The following IGF2BP2 variants were observed in gnomAD, a reference collection of about 807,000 sequenced individuals.
The protein encoded by IGF2BP2 is insulin like growth factor 2 mRNA binding protein 2.
Under a neutral mutation model 75.8 loss-of-function variants are expected in IGF2BP2, and 17 were observed. That is an observed-to-expected ratio of 0.22 (90% confidence interval 0.15 to 0.34). The LOEUF (loss-of-function observed/expected upper bound fraction) is 0.34. Ranked by LOEUF, IGF2BP2 falls within the 10% of genes least tolerant of loss-of-function variation. The pLI, the probability that IGF2BP2 is intolerant of heterozygous loss-of-function variation, is 1.00. For synonymous variants in IGF2BP2, 288 were observed against 295.6 expected, an observed-to-expected ratio of 0.97 and a Z score of 0.26; for missense variants, 516 against 772.4, an observed-to-expected ratio of 0.67 and a Z score of 3.93.
At chr3:185,710,958 A>G (rs1724710383) in intron 2 of IGF2BP2, among the ~76,000 whole-genome samples, 1 of 152,192 alleles carries the variant, frequency 6.6e-6, no homozygotes, top group African/African-American at 2.4e-5. Context: ...AATGCTGAAG[A>G]ATATTATTAG....
chr3:185,791,689 A>G (rs915901467), intron 2 of IGF2BP2, among the ~76,000 whole-genome samples: 3 of 149,986 alleles, frequency 2.0e-5, no homozygotes, highest in Non-Finnish European at 4.4e-5. Flanking sequence ...AGTAGGAAGA[A>G]GAGAGAGAAG....
At chr3:185,753,119 T>A (rs1418668613) in intron 2 of IGF2BP2, among the ~76,000 whole-genome samples, 6 of 152,190 alleles carry the variant, frequency 3.9e-5, no homozygotes, top group African/African-American at 1.4e-4. Flanking sequence ...GCTGTGCTTC[T>A]CAAAGGATTC....
At chr3:185,758,609 G>C (rs1219185474) in intron 2 of IGF2BP2, among the ~76,000 whole-genome samples, 1 of 152,196 alleles carries the variant, frequency 6.6e-6, no homozygotes, top group Admixed American at 6.5e-5. Flanking sequence ...TGTAATGTTG[G>C]GCACTGTGTT....
intron 2 of IGF2BP2, among the ~76,000 whole-genome samples, chr3:185,712,971 T>C (rs1183515552): frequency 6.6e-6 from 1 of 152,224 alleles, no homozygotes; most frequent in Non-Finnish European, 1.5e-5. Flanking sequence ...CAGGATACTC[T>C]TGTACAATAT....
At chr3:185,699,274 C>T in intron 2 of IGF2BP2, among the ~76,000 whole-genome samples, 1 of 152,098 alleles carries the variant, frequency 6.6e-6, no homozygotes, top group East Asian at 1.9e-4. Context: ...TTTAAGTCAT[C>T]ATACAGATTC....
chr3:185,783,568 T>C (rs1454597476), intron 2 of IGF2BP2, among the ~76,000 whole-genome samples: 2 of 152,230 alleles, frequency 1.3e-5, no homozygotes, highest in Admixed American at 1.3e-4. Flanking sequence ...ATTGCCTCTG[T>C]ACCTCATTGT....
At position 185,652,150 on chromosome 3, in the gene IGF2BP2, G is replaced by C; in HGVS notation, c.1405C>G (p.Pro469Ala). 9 of 1,612,692 alleles carry C rather than the reference G, an allele frequency of 5.6e-6. No homozygotes were observed. Among genetic ancestry groups the C allele is most frequent in the Non-Finnish European group, 7.6e-6 (9 of 1,179,038 alleles). The change falls in exon 13 of 16, where the codon CCA becomes GCA. Residue 469 changes from proline (P) to alanine (A), a missense_variant. By Grantham distance (27) the Pro-to-Ala change is conservative. Coordinates refer to ENST00000382199, the MANE Select transcript of IGF2BP2 (RefSeq NM_006548.6). ...ATGACCATCCTTTCGCTGACGTCTG[G>C]GCCTTCCGCAGGGGCAATCTGTGGT... ...ASIKIAPAEG[P>A]DVSERMVIIT...
chr3:185,757,949 C>G (rs1731863603), intron 2 of IGF2BP2, among the ~76,000 whole-genome samples: 1 of 152,204 alleles, frequency 6.6e-6, no homozygotes, highest in Non-Finnish European at 1.5e-5. Flanking sequence ...TCAACTGGCT[C>G]ATATCTGAAG....
intron 2 of IGF2BP2, among the ~76,000 whole-genome samples, chr3:185,772,526 A>G (rs540335498): frequency 6.6e-5 from 10 of 151,492 alleles, no homozygotes; most frequent in Admixed American, 4.6e-4. Context: ...ATCATCATCA[A>G]TCATTACAAT....
chr3:185,646,830 G>C (rs2149028541), intron 15 of IGF2BP2, 195 bp downstream of exon 15: 2 of 598,606 alleles, frequency 3.3e-6, no homozygotes, highest in East Asian at 5.6e-5. Context: ...CCTCGGGGAT[G>C]ACAGTGGAGA....
chr3:185,720,736 C>T (rs1410964708), intron 2 of IGF2BP2, among the ~76,000 whole-genome samples: 1 of 152,190 alleles, frequency 6.6e-6, no homozygotes, highest in Non-Finnish European at 1.5e-5. Flanking sequence ...AGAACCTCAG[C>T]TTCAGGCTTT....
rs1722109877 is a variant in IGF2BP2, at chr3:185,692,732, T to C, written c.371A>G (p.Asn124Ser). Residue 124 changes from asparagine (N) to serine (S), a missense_variant, in exon 5 of 16, where the codon AAC becomes AGC. Coordinates refer to ENST00000382199, the MANE Select transcript of IGF2BP2 (RefSeq NM_006548.6). ...TTCTTCTCTTGTTGCATATGTGACGTTGACAACGGCGGTTTCTGTGTCTGT... is the reference window on the plus strand; with the variant it reads ...TTCTTCTCTTGTTGCATATGTGACGCTGACAACGGCGGTTTCTGTGTCTGT... ...VNTDTETAVV[N>S]VTYATREEAK... 4 of 1,614,076 alleles carry C rather than the reference T, an allele frequency of 2.5e-6. No individual in the cohort carries two copies. The highest frequency in any genetic ancestry group is 3.4e-6 in the Non-Finnish European group (4 of 1,179,966).
intron 2 of IGF2BP2, among the ~76,000 whole-genome samples, chr3:185,762,584 T>C (rs2149701757): frequency 6.7e-6 from 1 of 149,116 alleles, no homozygotes. Flanking sequence ...ATTTGGGAAA[T>C]ACCATGTTTG....
Position 185,689,373 on chromosome 3 carries a change from G to C in IGF2BP2, c.659C>G (p.Thr220Ser), listed in dbSNP as rs1157354945. The change falls in exon 6 of 16, where the codon ACT (threonine) becomes AGT (serine). Residue 220 changes from threonine to serine, a missense_variant. This residue lies in a region of IGF2BP2 where 312 missense variants were observed against 474.5 expected (regional missense o/e 0.66). Coordinates refer to ENST00000382199, the MANE Select transcript of IGF2BP2 (RefSeq NM_006548.6). ...CACGTACCGGGACTGGGTCTGCTTA[G>C]TGATGTTCTTTATGGTCAAGCCCTC... Reference protein sequence around the residue: ...GKEGLTIKNITKQTQSRVDIH... With the variant: ...GKEGLTIKNISKQTQSRVDIH... The C allele has an allele frequency of 1.9e-6, 3 of 1,613,484 alleles. No homozygotes were observed. Among genetic ancestry groups the C allele is most frequent in the Non-Finnish European group, 2.5e-6 (3 of 1,180,010 alleles).
intron 9 of IGF2BP2, among the ~76,000 whole-genome samples, chr3:185,674,829 A>G (rs953096925): frequency 6.6e-6 from 1 of 151,594 alleles, no homozygotes; most frequent in African/African-American, 2.4e-5. Context: ...ATATACTTTT[A>G]TATCTTGCTT....
chr3:185,716,692 A>G, intron 2 of IGF2BP2: 1 of 520,154 alleles, frequency 1.9e-6, no homozygotes, highest in Non-Finnish European at 3.8e-6. Context: ...GTATTTACTC[A>G]GGGCCATGGT....
chr3:185,763,035 C>G (rs186741376), intron 2 of IGF2BP2, among the ~76,000 whole-genome samples: 46 of 152,188 alleles, frequency 3.0e-4, no homozygotes, highest in African/African-American at 9.2e-4. Flanking sequence ...TTAGAATCAC[C>G]TGTATAGATG....
At chr3:185,708,004 C>A (rs374607764) in intron 2 of IGF2BP2, among the ~76,000 whole-genome samples, 1 of 152,156 alleles carries the variant, frequency 6.6e-6, no homozygotes, top group Non-Finnish European at 1.5e-5. Context: ...TTCTTCACAG[C>A]GTGTTTGGCA....
chr3:185,691,256 G>A (rs1250378387), intron 5 of IGF2BP2, among the ~76,000 whole-genome samples: 10 of 151,598 alleles, frequency 6.6e-5, no homozygotes, highest in African/African-American at 9.7e-5. Flanking sequence ...GCGCCACCAC[G>A]CCTGGCTAAT....
Sources: allele counts gnomAD v4.1 joint callset (sites outside exome capture counted in the v4.1 genomes callset), GRCh38; gene constraint gnomAD v4.1.1; regional missense constraint gnomAD v4.1.1; transcripts MANE v1.5; gene names NCBI Gene and HGNC (gene_info 2026-07-23, HGNC 2026-07-21).